GREB1: variants seen among roughly 807,000 people sequenced by gnomAD.
GREB1 encodes the protein protein GREB1.
Under a neutral mutation model 200.7 loss-of-function variants are expected in GREB1, and 106 were observed. The observed-to-expected ratio is 0.53, with a 90% CI of 0.45 to 0.62. The LOEUF (loss-of-function observed/expected upper bound fraction) is 0.62. Among genes scored for constraint, GREB1 ranks in the 20% least tolerant of loss-of-function variants. The probability of loss-of-function intolerance (pLI) is 0.00; values close to 1 mark genes in which losing one functional copy is unlikely to be tolerated. For missense variants in GREB1, 2,243 were observed against 2,556.8 expected, an observed-to-expected ratio of 0.88 and a Z score of 2.65; for synonymous variants, 1,132 against 1,092.4, an observed-to-expected ratio of 1.04 and a Z score of -0.72.
chr2:11,574,564 A>G (rs779947755), intron 4 of GREB1, among the ~76,000 whole-genome samples: 1 of 152,130 alleles, frequency 6.6e-6, no homozygotes, highest in Non-Finnish European at 1.5e-5. Flanking sequence ...AAGGACAGGA[A>G]TAAAGCTGGA....
chr2:11,563,421 G>A (rs1677291066), intron 3 of GREB1, among the ~76,000 whole-genome samples: 1 of 152,224 alleles, frequency 6.6e-6, no homozygotes, highest in African/African-American at 2.4e-5. Flanking sequence ...TTAGTCCTGT[G>A]CTGAGAGCTT....
intron 1 of GREB1, among the ~76,000 whole-genome samples, chr2:11,488,336 A>G (rs1274430506): frequency 6.6e-6 from 1 of 152,132 alleles, no homozygotes; most frequent in East Asian, 1.9e-4. Flanking sequence ...AACAACAGAG[A>G]CGAAACCTCC....
chr2:11,622,873 C>G (rs927631272), intron 23 of GREB1, among the ~76,000 whole-genome samples: 1 of 152,336 alleles, frequency 6.6e-6, no homozygotes. Context: ...GAGAGCAAAG[C>G]CATTCTCACA....
In GREB1 at chr2:11,580,734, C is replaced by T; in HGVS notation, c.803C>T (p.Ala268Val). 6.2e-7 allele frequency: 1 copy of T among 1,614,082 alleles called. No homozygotes were observed. The highest frequency in any genetic ancestry group is 1.3e-5 in the African/African-American group (1 of 75,070). The change falls in exon 7 of 33, where the codon GCA (alanine) becomes GTA (valine). Residue 268 changes from alanine (A) to valine (V), a missense_variant. Ala to Val is a moderately conservative substitution (Grantham distance 64). This residue lies in a region of GREB1 where 1,178 missense variants were observed against 1,387.4 expected (regional missense o/e 0.85). Transcript: ENST00000381486. The surrounding 1 kb of genome is among the most constrained non-coding windows in gnomAD (Gnocchi z 4.5). ...GPASDHPSLN[A>V]AMGPAVFNGK... Reference sequence around the variant, plus strand: ...GCTTCTGATCACCCCTCACTAAACGCAGCAATGGGTCCGGCTGTTTTCAAC... The same window carrying T: ...GCTTCTGATCACCCCTCACTAAACGTAGCAATGGGTCCGGCTGTTTTCAAC...
At chr2:11,598,624 G>A in intron 14 of GREB1, 56 bp from the exon 15 acceptor site, 2 of 1,513,156 alleles carry the variant, frequency 1.3e-6, no homozygotes, top group Non-Finnish European at 1.8e-6. Context: ...TCTGTTGAGT[G>A]AATGAAACCC....
At chr2:11,564,027 C>T (rs1485975103) in intron 3 of GREB1, among the ~76,000 whole-genome samples, 1 of 152,030 alleles carries the variant, frequency 6.6e-6, no homozygotes, top group Non-Finnish European at 1.5e-5. Context: ...TACGAGTCAG[C>T]CAGGAGACTG....
intron 1 of GREB1, among the ~76,000 whole-genome samples, chr2:11,538,784 C>T (rs1350243325): frequency 8.7e-4 from 26 of 29,822 alleles, no homozygotes; most frequent in African/African-American, 1.7e-3. Context: ...TCCCGTCTTC[C>T]TTCCTTCCTT....
intron 1 of GREB1, among the ~76,000 whole-genome samples, chr2:11,520,197 A>G (rs780899684): frequency 6.6e-5 from 10 of 152,204 alleles, no homozygotes; most frequent in Non-Finnish European, 1.5e-4. Context: ...GCCTTGTTTT[A>G]AGCTCTTTTT....
At chr2:11,514,738 A>G (rs936084502) in intron 1 of GREB1, among the ~76,000 whole-genome samples, 1 of 152,176 alleles carries the variant, frequency 6.6e-6, no homozygotes, top group African/African-American at 2.4e-5. Context: ...TGCTCAGTCC[A>G]TTGCTCTCTC....
chr2:11,593,203 C>A, intron 11 of GREB1, 77 bp downstream of exon 11: 1 of 1,057,802 alleles, frequency 9.5e-7, no homozygotes, highest in Non-Finnish European at 1.3e-6. Context: ...GGTTCTCTCC[C>A]TTTCTGTCTA....
intron 20 of GREB1, 81 bp from the exon 21 acceptor site, chr2:11,616,550 C>T: frequency 1.2e-6 from 1 of 865,012 alleles, no homozygotes; most frequent in Non-Finnish European, 2.0e-6. Flanking sequence ...CATGGGAACA[C>T]ACTTTACACA....
rs202190064 is a variant in GREB1 at position 11,610,805 on chromosome 2, G to T, written c.2784G>T (p.Thr928=). ...TGAAGAACTACACGTCGGTGGAGACGCTGGAGATCACGCAGAACCTCCTCA... is the reference window on the plus strand; with the variant it reads ...TGAAGAACTACACGTCGGTGGAGACTCTGGAGATCACGCAGAACCTCCTCA... The part of the protein sequence containing the change: ...PQMKNYTSVE[T]LEITQNLLNS... The change falls in exon 18 of 33, where the codon ACG becomes ACT. Residue 928 remains threonine (T), a synonymous_variant. Coordinates refer to ENST00000381486, the MANE Select transcript of GREB1 (RefSeq NM_014668.4). 1 of 1,613,360 alleles carries T rather than the reference G, an allele frequency of 6.2e-7. No individual in the cohort carries two copies. The highest frequency in any genetic ancestry group is 1.3e-5 in the African/African-American group (1 of 74,934).
chr2:11,602,997 T>G (rs1681922992), intron 17 of GREB1, among the ~76,000 whole-genome samples: 1 of 152,232 alleles, frequency 6.6e-6, no homozygotes, highest in Non-Finnish European at 1.5e-5. Flanking sequence ...CTGAGCCACT[T>G]GCTACTGTTA....
chr2:11,552,759 C>G (rs1213249610), intron 1 of GREB1, among the ~76,000 whole-genome samples: 3 of 152,114 alleles, frequency 2.0e-5, no homozygotes, highest in South Asian at 4.1e-4. Context: ...CGCCTGTAAT[C>G]CCAGCACTTT....
At chr2:11,630,210 G>A (rs1042785470) in intron 26 of GREB1, 101 bp downstream of exon 26, 17 of 1,140,498 alleles carry the variant, frequency 1.5e-5, no homozygotes, top group African/African-American at 3.1e-5. Context: ...TGCAGACACC[G>A]ATACAGGGAC....
At chr2:11,504,810 T>G (rs4669737) in intron 1 of GREB1, among the ~76,000 whole-genome samples, 149,103 of 152,334 alleles carry the variant, frequency 0.98, 73,013 homozygotes, top group South Asian at 1. Flanking sequence ...CATTACTTTT[T>G]GTTTTCATTC....
chr2:11,613,105 G>A (rs569237135), intron 19 of GREB1, among the ~76,000 whole-genome samples: 8 of 152,298 alleles, frequency 5.3e-5, no homozygotes, highest in South Asian at 2.1e-4. Flanking sequence ...GGTTCTTCCA[G>A]CACAGAGTGG....
intron 1 of GREB1, among the ~76,000 whole-genome samples, chr2:11,486,665 C>T (rs796847797): frequency 3.3e-5 from 5 of 151,920 alleles, no homozygotes; most frequent in African/African-American, 9.7e-5. Flanking sequence ...GCCAGGAGTT[C>T]GAGACTAGCC....
At chr2:11,553,515 T>C (rs1216071775) in intron 1 of GREB1, among the ~76,000 whole-genome samples, 4 of 152,024 alleles carry the variant, frequency 2.6e-5, no homozygotes, top group Non-Finnish European at 4.4e-5. Flanking sequence ...ACCCCACTTT[T>C]CTATGCTGTC....
Sources: allele counts gnomAD v4.1 joint callset (sites outside exome capture counted in the v4.1 genomes callset), GRCh38; gene constraint gnomAD v4.1.1; regional missense constraint gnomAD v4.1.1; non-coding constraint Gnocchi (gnomAD v3.1); transcripts MANE v1.5; gene names NCBI Gene and HGNC (gene_info 2026-07-23, HGNC 2026-07-21).